TFAP2D: variants seen among roughly 807,000 people sequenced by gnomAD.
The protein encoded by TFAP2D is transcription factor AP-2-delta.
A neutral mutation model predicts 43.6 loss-of-function variants in TFAP2D; 9 were observed. The observed-to-expected ratio is 0.21, with a 90% CI of 0.12 to 0.36. TFAP2D has a LOEUF of 0.36. Among genes scored for constraint, TFAP2D ranks in the 10% least tolerant of loss-of-function variants. The pLI is 1.00. For synonymous variants in TFAP2D, 256 were observed against 224.9 expected, an observed-to-expected ratio of 1.14 and a Z score of -1.24; for missense variants, 513 against 561.4, an observed-to-expected ratio of 0.91 and a Z score of 0.87.
In TFAP2D at chr6:50,729,190, A is replaced by G. The variant is rs1246714576; in HGVS notation, c.765-4A>G. ...AAACCTAGTTTTTGTTTGTTTTTGT[A>G]CAGAGCAAAATCAAAGAATGGGGGC... On this transcript the variant is annotated splice_region_variant and splice_polypyrimidine_tract_variant and intron_variant, in intron 4 of 7. Transcript: ENST00000008391. The G allele has an allele frequency of 2.5e-6, 4 of 1,613,262 alleles. No homozygotes were observed. Among genetic ancestry groups the G allele is most frequent in the East Asian group, 2.2e-5 (1 of 44,886 alleles).
chr6:50,757,911 G>A (rs2113890380), intron 7 of TFAP2D, among the ~76,000 whole-genome samples: 1 of 144,872 alleles, frequency 6.9e-6, no homozygotes, highest in East Asian at 2.0e-4. Context: ...TTTTTCCTGG[G>A]GAAATAAGGA....
chr6:50,769,765 T>A (rs1367826042), intron 7 of TFAP2D, among the ~76,000 whole-genome samples: 2 of 152,198 alleles, frequency 1.3e-5, no homozygotes, highest in Non-Finnish European at 2.9e-5. Context: ...AAGTACAGAA[T>A]ATCCAATTTC....
At chr6:50,761,159 T>C (rs932173880) in intron 7 of TFAP2D, among the ~76,000 whole-genome samples, 6 of 151,268 alleles carry the variant, frequency 4.0e-5, no homozygotes, top group African/African-American at 1.2e-4. Flanking sequence ...TAAACACCCA[T>C]TGAAATAATG....
chr6:50,765,076 C>T (rs964167283), intron 7 of TFAP2D, among the ~76,000 whole-genome samples: 1 of 152,210 alleles, frequency 6.6e-6, no homozygotes, highest in Admixed American at 6.5e-5. Flanking sequence ...TTTTGACCAA[C>T]ATCGCCCCAT....
intron 6 of TFAP2D, among the ~76,000 whole-genome samples, chr6:50,748,542 G>C (rs1327753972): frequency 6.6e-6 from 1 of 151,756 alleles, no homozygotes; most frequent in Non-Finnish European, 1.5e-5. Flanking sequence ...TGTATAAAGG[G>C]CCTATTAATT....
Position 50,766,579 on chromosome 6 carries a change from T to TGTG in TFAP2D, c.1140-6063_1140-6061dup, listed in dbSNP as rs1175585185. On this transcript the variant is annotated intron_variant, in intron 7 of 7. Transcript: ENST00000008391. Reference sequence around the variant, plus strand: ...GTTAGTATACAGATCTTTAATCCTCTGTGGTTAAATTTATTCCTAAGTATT... The same window carrying TGTG: ...GTTAGTATACAGATCTTTAATCCTCTGTGGTGGTTAAATTTATTCCTAAGTATT... 4.0e-5 allele frequency among the ~76,000 whole-genome samples: 6 copies of TGTG among 151,734 alleles called. No individual in the cohort carries two copies. In the East Asian group the frequency reaches 7.7e-4, roughly 20 times the overall value.
chr6:50,751,420 T>C, intron 7 of TFAP2D, 96 bp downstream of exon 7: 1 of 820,724 alleles, frequency 1.2e-6, no homozygotes, highest in Admixed American at 2.0e-5. Flanking sequence ...TATATGTTTA[T>C]ATGGTGACTG....
chr6:50,762,470 G>A (rs531893504), intron 7 of TFAP2D, among the ~76,000 whole-genome samples: 11 of 152,108 alleles, frequency 7.2e-5, no homozygotes, highest in Middle Eastern at 3.4e-3. Context: ...TCATTGAAAT[G>A]TAAACACTTA....
In TFAP2D at chr6:50,715,570, G is replaced by A. The variant is rs777862956; in HGVS notation, c.494G>A (p.Gly165Glu). ...CACCCAGATCAAAGACTCCTGCCAGGGCCCAGCCTGGGGCTGGCCGCCGCG... is the reference window on the plus strand; with the variant it reads ...CACCCAGATCAAAGACTCCTGCCAGAGCCCAGCCTGGGGCTGGCCGCCGCG... ...GMHPDQRLLP[G>E]PSLGLAAAGA... is the part of the protein sequence containing the mutation. Residue 165 changes from glycine (G) to glutamate (E), a missense_variant, in exon 2 of 8, where the codon GGG (glycine) becomes GAG (glutamate). Physicochemically the swap from Gly to Glu is moderately conservative, Grantham distance 98 (BLOSUM62 -2). Coordinates refer to ENST00000008391, the MANE Select transcript of TFAP2D (RefSeq NM_172238.4). 4.4e-6 allele frequency: 7 copies of A among 1,606,110 alleles called. No homozygotes were observed. In the East Asian group the frequency reaches 1.1e-4, roughly 26 times the overall value.
rs535554267 is a variant in TFAP2D at position 50,739,449 on chromosome 6, AT to A, written c.884-5651del. Among the ~76,000 whole-genome samples the A allele has an allele frequency of 7.9e-5, 12 of 152,154 alleles. No homozygotes were observed. In the East Asian group the frequency reaches 2.3e-3, roughly 29 times the overall value. ...GTATTCCATGGTGTATATGTGCCACATTTTTTTAATCCAGTCTATCATTGAT... is the reference window on the plus strand; with the variant it reads ...GTATTCCATGGTGTATATGTGCCACATTTTTTAATCCAGTCTATCATTGAT... On this transcript the variant is annotated intron_variant, in intron 5 of 7. Transcript: ENST00000008391.
chr6:50,735,117 A>G (rs1768944417), intron 5 of TFAP2D, among the ~76,000 whole-genome samples: 1 of 152,118 alleles, frequency 6.6e-6, no homozygotes, highest in Non-Finnish European at 1.5e-5. Flanking sequence ...TTTGCAAAGC[A>G]CTTACCATAG....
In TFAP2D at chr6:50,720,534, CACACAT is replaced by C. The variant is rs1445371583; in HGVS notation, c.598+1386_598+1391del. On this transcript the variant is annotated intron_variant, in intron 3 of 7. Transcript: ENST00000008391. ...ACACACACACACACACACACACACA[CACACAT>C]ATACGTGGTATAACTCCACAAAGAT... Among the ~76,000 whole-genome samples, 237 of 129,936 alleles carry C rather than the reference CACACAT, an allele frequency of 1.8e-3. 2 individuals carry two copies. Among genetic ancestry groups the C allele is most frequent in the African/African-American group, 6.5e-3 (223 of 34,460 alleles). The allele number at this position is 129,936 out of a possible 152,430, so 85.2% of individuals were successfully genotyped here.
At chr6:50,751,382 T>G in intron 7 of TFAP2D, 58 bp downstream of exon 7, 1 of 1,176,518 alleles carries the variant, frequency 8.5e-7, no homozygotes, top group South Asian at 1.2e-5. Context: ...CTTGTATTCC[T>G]ATCACAGTTC....
chr6:50,714,240 G>T, intron 1 of TFAP2D, 146 bp downstream of exon 1: 2 of 970,906 alleles, frequency 2.1e-6, no homozygotes, highest in Non-Finnish European at 3.0e-6. Flanking sequence ...TGTCTTTCGG[G>T]GGAAGTTAAG....
chr6:50,725,893 G>C (rs1242009047), intron 3 of TFAP2D, among the ~76,000 whole-genome samples: 1 of 152,102 alleles, frequency 6.6e-6, no homozygotes, highest in Admixed American at 6.6e-5. Flanking sequence ...GTTCCCCAAG[G>C]TTGCAGCAAT....
chr6:50,758,154 A>G (rs1354481060), intron 7 of TFAP2D, among the ~76,000 whole-genome samples: 2 of 151,816 alleles, frequency 1.3e-5, no homozygotes, highest in African/African-American at 2.4e-5. Context: ...CTTCTTAGAA[A>G]TATACCCTCT....
At chr6:50,759,061 A>G (rs1038708788) in intron 7 of TFAP2D, among the ~76,000 whole-genome samples, 1 of 152,066 alleles carries the variant, frequency 6.6e-6, no homozygotes. Flanking sequence ...GGTTAAAACA[A>G]TAGAAGCCAG....
chr6:50,719,447 G>GAAAA (rs752502180), intron 3 of TFAP2D, among the ~76,000 whole-genome samples: 1 of 131,690 alleles, frequency 7.6e-6, no homozygotes, highest in East Asian at 2.4e-4. Flanking sequence ...AAAAGACAGA[G>GAAAA]AGAAAGAAAG....
At position 50,714,155 on chromosome 6, in the gene TFAP2D, T is replaced by C. The variant is rs111938457; in HGVS notation, c.39+61T>C. ...CGCGTGTGTGTGGCGGCGGCGGCGG[T>C]GGCGGCGGTGGCGGCGGCGGTGGCA... On this transcript the variant is annotated intron_variant, in intron 1 of 7. Coordinates refer to ENST00000008391, the MANE Select transcript of TFAP2D (RefSeq NM_172238.4). The C allele has an allele frequency of 5.4e-4, 818 of 1,508,140 alleles. 1 individual carries two copies. The highest frequency in any genetic ancestry group is 6.4e-4 in the Non-Finnish European group (723 of 1,123,358). 93.4% of individuals were successfully genotyped at this position (1,508,140 alleles called of 1,614,324 possible).
Sources: allele counts gnomAD v4.1 joint callset (sites outside exome capture counted in the v4.1 genomes callset), GRCh38; gene constraint gnomAD v4.1.1; transcripts MANE v1.5; gene names NCBI Gene and HGNC (gene_info 2026-07-23, HGNC 2026-07-21).